Variants in BAZ1A observed in about 807,000 individuals in gnomAD.
BAZ1A encodes the protein bromodomain adjacent to zinc finger domain protein 1A.
Under a neutral mutation model 185.2 loss-of-function variants are expected in BAZ1A, and 50 were observed. The observed-to-expected ratio is 0.27, with a 90% confidence interval of 0.22 to 0.34. The LOEUF is 0.34. Among genes scored for constraint, BAZ1A ranks in the 10% least tolerant of loss-of-function variants. BAZ1A has a pLI of 1.00. For synonymous variants in BAZ1A, 571 were observed against 615.6 expected, an observed-to-expected ratio of 0.93 and a Z score of 1.07; for missense variants, 1,356 against 1,839.9, an observed-to-expected ratio of 0.74 and a Z score of 4.81.
Position 34,875,210 on chromosome 14 carries a change from AG to A in BAZ1A, c.-132del, listed in dbSNP as rs1277079242. 1.1e-5 allele frequency: 5 copies of A among 449,614 alleles called. No individual in the cohort carries two copies. In the Admixed American group the frequency reaches 1.2e-4, roughly 11 times the overall value. 27.9% of individuals were successfully genotyped at this position (449,614 alleles called of 1,614,324 possible). On this transcript the variant is annotated 5_prime_UTR_variant, in exon 1 of 27. Coordinates refer to ENST00000360310, the MANE Select transcript of BAZ1A (RefSeq NM_013448.3). ...CAACGAGGGGAGACCCCGTCCTCCC[AG>A]GGGACCGCCTCTCTCCGGCCCCGCC... is the stretch of plus-strand genomic sequence containing the variant.
rs1486500376 is a variant in BAZ1A at position 34,770,199 on chromosome 14, G to A, written c.3301+1312C>T. ...ACAGAGTTTCTCTCTTGTTGCCCAG[G>A]CTGGAGTGCAATGGTGCAGTCTCAG... On this transcript the variant is annotated intron_variant, in intron 21 of 26. Transcript: ENST00000360310. Among the ~76,000 whole-genome samples, 3 of 152,214 alleles carry A rather than the reference G, an allele frequency of 2.0e-5. No homozygotes were observed. The East Asian group carries it at 5.8e-4, about 29-fold the overall frequency.
chr14:34,816,350 G>A (rs1316741960), intron 4 of BAZ1A, among the ~76,000 whole-genome samples: 1 of 152,122 alleles, frequency 6.6e-6, no homozygotes, highest in Non-Finnish European at 1.5e-5. Context: ...GCCTCCCAAA[G>A]TGCTGAGATT....
At chr14:34,787,454 G>A (rs924450858) in intron 12 of BAZ1A, among the ~76,000 whole-genome samples, 2 of 151,920 alleles carry the variant, frequency 1.3e-5, no homozygotes, top group African/African-American at 2.4e-5. Context: ...GGAGGCTGAG[G>A]CGGGCAGATC....
intron 8 of BAZ1A, among the ~76,000 whole-genome samples, chr14:34,800,704 A>G (rs147135187): frequency 6.6e-6 from 1 of 152,236 alleles, no homozygotes; most frequent in African/African-American, 2.4e-5. Context: ...CCCCCACCAG[A>G]CCTACTAATT....
In BAZ1A at chr14:34,826,042, T is replaced by C; in HGVS notation, c.507A>G (p.Ser169=). 3.8e-6 allele frequency: 6 copies of C among 1,591,316 alleles called. No individual in the cohort carries two copies. Among genetic ancestry groups the C allele is most frequent in the Non-Finnish European group, 5.1e-6 (6 of 1,168,530 alleles). Reference sequence around the variant, plus strand: ...TTTGAAAAGAACAGCTTTGTGTTTCTGAATCATCACTATCACTGATGATAA... The same window carrying C: ...TTTGAAAAGAACAGCTTTGTGTTTCCGAATCATCACTATCACTGATGATAA... The part of the protein sequence containing the change: ...ETIIISDSDD[S]ETQSCSFQNG... The change falls in exon 4 of 27, where the codon TCA becomes TCG. Residue 169 remains serine (S), a synonymous_variant. Coordinates refer to ENST00000360310, the MANE Select transcript of BAZ1A (RefSeq NM_013448.3).
At chr14:34,810,870 CT>C (rs2041919529) in intron 5 of BAZ1A, 64 bp downstream of exon 5, 4 of 1,172,452 alleles carry the variant, frequency 3.4e-6, no homozygotes, top group Non-Finnish European at 5.0e-6. Flanking sequence ...TACATCAGAC[CT>C]TCTTAATCTA....
chr14:34,778,889 C>T (rs1488205119), intron 17 of BAZ1A, among the ~76,000 whole-genome samples: 1 of 152,182 alleles, frequency 6.6e-6, no homozygotes. Context: ...GGACCTTGCT[C>T]TGTTGCCCAG....
intron 21 of BAZ1A, 174 bp downstream of exon 21, chr14:34,771,335 CTG>C (rs1387714881): frequency 7.7e-6 from 5 of 649,612 alleles, no homozygotes; most frequent in African/African-American, 1.8e-5. Flanking sequence ...TCACAAAAGA[CTG>C]TATTATTCTA....
intron 17 of BAZ1A, among the ~76,000 whole-genome samples, chr14:34,779,054 C>T (rs1473559321): frequency 6.6e-6 from 1 of 152,014 alleles, no homozygotes. Flanking sequence ...GATGGGGTTT[C>T]ACCAAGGCTG....
At position 34,801,391 on chromosome 14, in the gene BAZ1A, AAGTGATTCTT is replaced by A. The variant is rs1472669848; in HGVS notation, c.862-208_862-199del. On this transcript the variant is annotated intron_variant, in intron 7 of 26. Transcript: ENST00000360310. Reference sequence around the variant, plus strand: ...ACTGCAACCTCTGCCTCCTGGGCTCAAGTGATTCTTCTCCCTCAGCCTCTCGAGTAGCTGG... The same window carrying A: ...ACTGCAACCTCTGCCTCCTGGGCTCACTCCCTCAGCCTCTCGAGTAGCTGG... 2.0e-5 allele frequency among the ~76,000 whole-genome samples: 3 copies of A among 152,170 alleles called. No individual in the cohort carries two copies. In the East Asian group the frequency reaches 5.8e-4, roughly 29 times the overall value.
intron 2 of BAZ1A, among the ~76,000 whole-genome samples, chr14:34,869,886 A>T (rs966677826): frequency 2.0e-5 from 3 of 152,176 alleles, no homozygotes; most frequent in African/African-American, 7.2e-5. Context: ...CTCTAAGACC[A>T]CCATGTGAAA....
intron 12 of BAZ1A, among the ~76,000 whole-genome samples, chr14:34,788,998 T>C (rs901768854): frequency 3.9e-5 from 6 of 152,188 alleles, no homozygotes; most frequent in East Asian, 1.9e-4. Flanking sequence ...AAAGCATACA[T>C]AGGGCCACAC....
intron 2 of BAZ1A, among the ~76,000 whole-genome samples, chr14:34,864,625 C>T (rs1418185474): frequency 2.7e-5 from 4 of 150,908 alleles, no homozygotes; most frequent in Non-Finnish European, 5.9e-5. Context: ...GGATTACAGA[C>T]GCGCGCCACC....
intron 2 of BAZ1A, among the ~76,000 whole-genome samples, chr14:34,864,979 T>G (rs936369598): frequency 6.6e-6 from 1 of 151,110 alleles, no homozygotes; most frequent in Non-Finnish European, 1.5e-5. Flanking sequence ...GGTTTCACCA[T>G]GTTAGCCAGG....
In BAZ1A at chr14:34,838,262, TA is replaced by T. The variant is rs534862632; in HGVS notation, c.393-12107del. 9.3e-4 allele frequency among the ~76,000 whole-genome samples: 141 copies of T among 152,344 alleles called. 3 individuals are homozygous for T. The highest frequency in any genetic ancestry group is 3.2e-3 in the African/African-American group (134 of 41,580). ...TCTATTAGGTGTGCTAGATATTTAT[TA>T]AACACTGATCACTTTATAAACATTT... On this transcript the variant is annotated intron_variant, in intron 3 of 26. Transcript: ENST00000360310.
rs375876229 is a variant in BAZ1A at position 34,831,455 on chromosome 14, T to A, written c.393-5299A>T. Among the ~76,000 whole-genome samples, 6 of 152,296 alleles carry A rather than the reference T, an allele frequency of 3.9e-5. No homozygotes were observed. In the East Asian group the frequency reaches 1.2e-3, roughly 29 times the overall value. On this transcript the variant is annotated intron_variant, in intron 3 of 26. Transcript: ENST00000360310. ...GCTACATGGAGGAGACAGTGTGCAG[T>A]GAAAGGTGGTAAAATCTGTAAGACA...
At chr14:34,872,975 T>C (rs2042976873) in intron 2 of BAZ1A, among the ~76,000 whole-genome samples, 1 of 133,234 alleles carries the variant, frequency 7.5e-6, no homozygotes, top group Admixed American at 7.8e-5. Flanking sequence ...TTCACTTAAC[T>C]AGTTACGAGA....
chr14:34,786,263 T>G (rs1488117120), intron 12 of BAZ1A, 42 bp from the exon 13 acceptor site: 5 of 1,543,202 alleles, frequency 3.2e-6, no homozygotes, highest in Non-Finnish European at 4.4e-6. Flanking sequence ...AAATCAAAGC[T>G]TGAATATTTG....
intron 6 of BAZ1A, among the ~76,000 whole-genome samples, chr14:34,806,606 A>G (rs893698629): frequency 6.6e-6 from 1 of 152,172 alleles, no homozygotes; most frequent in South Asian, 2.1e-4. Flanking sequence ...TTAAAAAATT[A>G]CTTTGAGTTT....
Sources: allele counts gnomAD v4.1 joint callset (sites outside exome capture counted in the v4.1 genomes callset), GRCh38; gene constraint gnomAD v4.1.1; transcripts MANE v1.5; gene names NCBI Gene and HGNC (gene_info 2026-07-23, HGNC 2026-07-21).